Variants in KLHL29 observed in about 807,000 individuals in gnomAD.
KLHL29 encodes the protein kelch-like protein 29.
KLHL29 carries 21 observed loss-of-function variants against 80.4 expected under a neutral mutation model. The observed-to-expected ratio is 0.26, with a 90% confidence interval of 0.19 to 0.38. The LOEUF is 0.38. Among genes scored for constraint, KLHL29 ranks in the 10% least tolerant of loss-of-function variants. The pLI is 1.00. For missense variants in KLHL29, 867 were observed against 1,223.9 expected (o/e 0.71, Z 4.35); for synonymous variants, 511 against 526.8 (o/e 0.97, Z 0.41).
At chr2:23,389,007 TTTA>T (rs775827175) in intron 1 of KLHL29, among the ~76,000 whole-genome samples, 151 of 114,228 alleles carry the variant, frequency 1.3e-3, no homozygotes, top group South Asian at 6.1e-3. Context: ...TTTTTTTTTT[TTTA>T]AAATCCCAGT....
intron 3 of KLHL29, among the ~76,000 whole-genome samples, chr2:23,577,441 ACT>A (rs1667870919): frequency 6.6e-6 from 1 of 150,936 alleles, no homozygotes; most frequent in Admixed American, 6.6e-5. Flanking sequence ...ACAGAGCAGG[ACT>A]CTCTAAATAA....
chr2:23,601,119 A>C (rs77947606), intron 3 of KLHL29, among the ~76,000 whole-genome samples: 3 of 151,972 alleles, frequency 2.0e-5, no homozygotes, highest in African/African-American at 7.3e-5. Context: ...CCTGCCCCCA[A>C]GTTTGCGCTC....
chr2:23,546,377 T>C (rs1666979935), intron 2 of KLHL29, among the ~76,000 whole-genome samples: 1 of 152,150 alleles, frequency 6.6e-6, no homozygotes, highest in South Asian at 2.1e-4. Flanking sequence ...CCTGGAATCA[T>C]CAGGAAGACT....
intron 1 of KLHL29, among the ~76,000 whole-genome samples, chr2:23,423,347 AC>A (rs759649071): frequency 6.6e-6 from 1 of 151,760 alleles, no homozygotes; most frequent in Non-Finnish European, 1.5e-5. Context: ...CGTGCCTCCC[AC>A]CCCAGGGTCT....
intron 2 of KLHL29, among the ~76,000 whole-genome samples, chr2:23,498,837 GA>G (rs1665348077): frequency 1.3e-5 from 2 of 152,216 alleles, no homozygotes; most frequent in East Asian, 3.9e-4. Flanking sequence ...ATTCAAGGCA[GA>G]ACCTGGGTGA....
At chr2:23,643,832 G>C (rs985325440) in intron 5 of KLHL29, 1 of 152,188 alleles carries the variant, frequency 6.6e-6, no homozygotes, top group Non-Finnish European at 1.5e-5. Context: ...CTGGCCCAAC[G>C]GGGTGTCTAC....
chr2:23,480,209 G>A (rs752865190), intron 2 of KLHL29, among the ~76,000 whole-genome samples: 101 of 152,310 alleles, frequency 6.6e-4, no homozygotes, highest in Middle Eastern at 3.4e-3. Context: ...CAGATGGCCC[G>A]GCCGTGGTGG....
intron 5 of KLHL29, among the ~76,000 whole-genome samples, chr2:23,645,940 A>C (rs1281737739): frequency 1.3e-5 from 2 of 152,232 alleles, no homozygotes; most frequent in Non-Finnish European, 2.9e-5. Flanking sequence ...ATTCACTTTA[A>C]TGAGTGTTAT....
At chr2:23,459,239 T>G (rs1429041421) in intron 1 of KLHL29, among the ~76,000 whole-genome samples, 3 of 152,080 alleles carry the variant, frequency 2.0e-5, no homozygotes, top group Non-Finnish European at 4.4e-5. Context: ...TTTGTTTGGG[T>G]GAGAGGAAGA....
At chr2:23,597,309 A>ATATATG (rs1558402682) in intron 3 of KLHL29, among the ~76,000 whole-genome samples, 8 of 100,518 alleles carry the variant, frequency 8.0e-5, no homozygotes, top group South Asian at 3.8e-4. Flanking sequence ...ATATATATAT[A>ATATATG]TGTGTGTGTG....
chr2:23,420,350 G>A (rs72846871), intron 1 of KLHL29, among the ~76,000 whole-genome samples: 2,589 of 152,166 alleles, frequency 0.017, 90 homozygotes, highest in African/African-American at 0.059. Flanking sequence ...TTCTCACTGC[G>A]TGCAGCCCGT....
At chr2:23,508,827 A>G (rs1027527705) in intron 2 of KLHL29, among the ~76,000 whole-genome samples, 3 of 152,204 alleles carry the variant, frequency 2.0e-5, no homozygotes, top group African/African-American at 7.2e-5. Flanking sequence ...GACATTTAAC[A>G]TAAAGCACAG....
At chr2:23,683,370 G>C (rs1671145726) in intron 5 of KLHL29, among the ~76,000 whole-genome samples, 1 of 152,268 alleles carries the variant, frequency 6.6e-6, no homozygotes, top group Admixed American at 6.5e-5. Flanking sequence ...ATTAAGGGCA[G>C]GCTTTGCCCA....
At chr2:23,649,235 C>G (rs1050807927) in intron 5 of KLHL29, among the ~76,000 whole-genome samples, 4 of 152,278 alleles carry the variant, frequency 2.6e-5, no homozygotes, top group African/African-American at 7.2e-5. Flanking sequence ...TTCCAGCCCC[C>G]ACTCCTGATA....
chr2:23,606,189 G>A (rs12998501), intron 3 of KLHL29, among the ~76,000 whole-genome samples: 53,363 of 140,206 alleles, frequency 0.38, 10,615 homozygotes, highest in East Asian at 0.64. Context: ...AGAGAGAGAG[G>A]GAGAGAGAGA....
At chr2:23,491,710 C>T (rs1665107949) in intron 2 of KLHL29, among the ~76,000 whole-genome samples, 1 of 152,140 alleles carries the variant, frequency 6.6e-6, no homozygotes. Flanking sequence ...CCAGATCCAT[C>T]CCTAGGGATT....
At chr2:23,462,926 G>C (rs1206299252) in intron 1 of KLHL29, among the ~76,000 whole-genome samples, 6 of 152,158 alleles carry the variant, frequency 3.9e-5, no homozygotes, top group Non-Finnish European at 2.9e-5. Context: ...CTTGAGCCCG[G>C]GAGTTCGAGG....
chr2:23,533,297 G>A (rs988630393), intron 2 of KLHL29, among the ~76,000 whole-genome samples: 10 of 152,224 alleles, frequency 6.6e-5, no homozygotes, highest in South Asian at 2.1e-4. Flanking sequence ...GGTTTGATGC[G>A]GACTCTTGCA....
chr2:23,451,224 A>G (rs757166003), intron 1 of KLHL29, among the ~76,000 whole-genome samples: 2 of 152,150 alleles, frequency 1.3e-5, no homozygotes, highest in Non-Finnish European at 2.9e-5. Flanking sequence ...TCATCTTAAT[A>G]CAGAGAGAAT....
Sources: gnomAD v4.1 joint callset for allele counts (sites outside exome capture counted in the v4.1 genomes callset) on GRCh38, gnomAD v4.1.1 for gene constraint, MANE v1.5 for transcripts, NCBI Gene and HGNC (gene_info 2026-07-23, HGNC 2026-07-21) for gene names.